Variants in EIF1AD observed in about 807,000 individuals in gnomAD.
The protein encoded by EIF1AD is probable RNA-binding protein EIF1AD.
A neutral mutation model predicts 21.7 loss-of-function variants in EIF1AD; 9 were observed. The ratio of observed to expected loss-of-function variants is 0.41; its 90% confidence interval spans 0.25 to 0.72. EIF1AD has a LOEUF of 0.72. Ranked by LOEUF, EIF1AD falls within the 30% of genes least tolerant of loss-of-function variation. The pLI is 0.29. For missense variants in EIF1AD, 164 were observed against 199.7 expected, an observed-to-expected ratio of 0.82 and a Z score of 1.08; for synonymous variants, 78 against 70.9, an observed-to-expected ratio of 1.10 and a Z score of -0.50.
chr11:66,001,146 A>G (rs1274617472), intron 1 of EIF1AD, among the ~76,000 whole-genome samples: 1 of 152,178 alleles, frequency 6.6e-6, no homozygotes, highest in Non-Finnish European at 1.5e-5. Context: ...TCGTCCTGCT[A>G]CAACAGAATG....
In EIF1AD at chr11:65,998,485, G is replaced by T; in HGVS notation, c.*114C>A. On this transcript the variant is annotated 3_prime_UTR_variant, in exon 6 of 6. Transcript: ENST00000533544. ...AATCAAAAGATCAGTTCAGAGAGGAGCCCTGCTTTGTCCTCATGCAGGGGT... is the reference window on the plus strand; with the variant it reads ...AATCAAAAGATCAGTTCAGAGAGGATCCCTGCTTTGTCCTCATGCAGGGGT... 5 of 1,327,502 alleles carry T rather than the reference G, an allele frequency of 3.8e-6. No individual in the cohort carries two copies. Among genetic ancestry groups the T allele is most frequent in the South Asian group, 2.8e-5 (2 of 70,990 alleles). 82.2% of individuals were successfully genotyped at this position (1,327,502 alleles called of 1,614,324 possible).
Position 66,000,425 on chromosome 11 carries a change from A to C in EIF1AD, c.-36T>G. 6.4e-7 allele frequency: 1 copy of C among 1,566,796 alleles called. No individual in the cohort carries two copies. The highest frequency in any genetic ancestry group is 8.7e-7 in the Non-Finnish European group (1 of 1,154,270). ...TCCCACACTGGTTAGGAACGAAGAG[A>C]CTGTCAACTCCTCCTCCTGAGTTCC... On this transcript the variant is annotated 5_prime_UTR_variant, in exon 2 of 6. Coordinates refer to ENST00000533544, the MANE Select transcript of EIF1AD (RefSeq NM_001242481.2).
rs760664567 is a variant in EIF1AD at position 66,000,069 on chromosome 11, G to A, written c.180C>T (p.Asn60=). The change falls in exon 3 of 6, where the codon AAC becomes AAT. Residue 60 remains asparagine, a synonymous_variant. Coordinates refer to ENST00000533544, the MANE Select transcript of EIF1AD (RefSeq NM_001242481.2). ...LVSMPSKYRK[N]IWIKRGDFLI... is the part of the protein sequence containing the mutation. ...TCCTCTCACCTCTCTTGATCCAGATGTTCTTGCGGTATTTGGAGGGCATGC... is the reference window on the plus strand; with the variant it reads ...TCCTCTCACCTCTCTTGATCCAGATATTCTTGCGGTATTTGGAGGGCATGC... 5.6e-6 allele frequency: 9 copies of A among 1,613,490 alleles called. No individual in the cohort carries two copies. The Admixed American group carries it at 1.5e-4, about 27-fold the overall frequency.
Position 65,999,362 on chromosome 11 carries a change from TTG to T in EIF1AD, c.339_340del (p.His113GlnfsTer14). On this transcript the variant is annotated frameshift_variant, in exon 5 of 6. Coordinates refer to ENST00000533544, the MANE Select transcript of EIF1AD (RefSeq NM_001242481.2). LOFTEE classifies it high-confidence loss of function. ...GCTTGTTCCTCACCTGTTCCTGTTG[TTG>T]TGTTTCTCAGCCACTTCAGAGAAGG... The T allele has an allele frequency of 6.2e-7, 1 of 1,614,248 alleles. No homozygotes were observed. Among genetic ancestry groups the T allele is most frequent in the Non-Finnish European group, 8.5e-7 (1 of 1,180,040 alleles).
At position 65,998,523 on chromosome 11, in the gene EIF1AD, A is replaced by G; in HGVS notation, c.*76T>C. 1 of 1,558,562 alleles carries G rather than the reference A, an allele frequency of 6.4e-7. No homozygotes were observed. Among genetic ancestry groups the G allele is most frequent in the Non-Finnish European group, 8.7e-7 (1 of 1,148,562 alleles). ...CTCATGCAGGGGTGAAGATGTGCAG[A>G]GCACCCTGGGAATGTCCAAGCCCAG... On this transcript the variant is annotated 3_prime_UTR_variant, in exon 6 of 6. Transcript: ENST00000533544.
Position 65,998,478 on chromosome 11 carries a change from G to C in EIF1AD, c.*121C>G. ...TTCTCTGAATCAAAAGATCAGTTCA[G>C]AGAGGAGCCCTGCTTTGTCCTCATG... On this transcript the variant is annotated 3_prime_UTR_variant, in exon 6 of 6. Coordinates refer to ENST00000533544, the MANE Select transcript of EIF1AD (RefSeq NM_001242481.2). The C allele has an allele frequency of 7.7e-7, 1 of 1,305,380 alleles. No homozygotes were observed. The highest frequency in any genetic ancestry group is 2.3e-5 in the East Asian group (1 of 42,720). The allele number at this position is 1,305,380 out of a possible 1,614,324, so 80.9% of individuals were successfully genotyped here.
chr11:65,999,914 C>G, intron 3 of EIF1AD, 139 bp downstream of exon 3: 1 of 691,236 alleles, frequency 1.4e-6, no homozygotes, highest in Non-Finnish European at 2.4e-6. Context: ...TCCTGAGTAG[C>G]TGGGATCACA....
rs569407997 is a variant in EIF1AD at position 65,997,884 on chromosome 11, G to A, written c.*715C>T. The A allele has an allele frequency of 4.6e-5, 7 of 152,362 alleles. No individual in the cohort carries two copies. The East Asian group carries it at 1.4e-3, about 29-fold the overall frequency. 9.4% of individuals were successfully genotyped at this position (152,362 alleles called of 1,614,324 possible). On this transcript the variant is annotated 3_prime_UTR_variant, in exon 6 of 6. Transcript: ENST00000533544. ...TTTAAAAGGTTATAAGACAATCAAT[G>A]TCCTCAGGGAATAATCAGGTTTCAA...
chr11:66,000,328 G>A lies in EIF1AD; in HGVS notation c.62C>T (p.Pro21Leu), dbSNP rs775442481. 14 of 1,613,332 alleles carry A rather than the reference G, an allele frequency of 8.7e-6. No homozygotes were observed. Among genetic ancestry groups the A allele is most frequent in the Non-Finnish European group, 5.9e-6 (7 of 1,179,732 alleles). Reference sequence around the variant, plus strand: ...CCTGACAATCTGCTGCTGGTCGGAGGGCACTATGTGCTCCCCTAGCACCTC... The same window carrying A: ...CCTGACAATCTGCTGCTGGTCGGAGAGCACTATGTGCTCCCCTAGCACCTC... ...VKEVLGEHIVPSDQQQIVRVL... is the reference protein window; with the variant it reads ...VKEVLGEHIVLSDQQQIVRVL... The change falls in exon 2 of 6, where the codon CCC becomes CTC. Residue 21 changes from proline to leucine, a missense_variant. Coordinates refer to ENST00000533544, the MANE Select transcript of EIF1AD (RefSeq NM_001242481.2).
At chr11:66,000,274 C>G (rs1323624774) in intron 2 of EIF1AD, 29 bp downstream of exon 2, 15 of 1,613,018 alleles carry the variant, frequency 9.3e-6, no homozygotes, top group Non-Finnish European at 1.2e-5. Context: ...GGGTGGGGAG[C>G]AGAACAGCTT....
chr11:65,996,630 T>C lies in EIF1AD; in HGVS notation c.*1969A>G, dbSNP rs1855733512. 1 of 151,874 alleles carries C rather than the reference T, an allele frequency of 6.6e-6. No homozygotes were observed. Among genetic ancestry groups the C allele is most frequent in the Non-Finnish European group, 1.5e-5 (1 of 68,014 alleles). The allele number at this position is 151,874 out of a possible 1,614,324, so 9.4% of individuals were successfully genotyped here. ...ATTCATATATACATATATACAAATGTATATATGTTTAAAGCCACGCTATAA... is the reference window on the plus strand; with the variant it reads ...ATTCATATATACATATATACAAATGCATATATGTTTAAAGCCACGCTATAA... On this transcript the variant is annotated 3_prime_UTR_variant, in exon 6 of 6. Coordinates refer to ENST00000533544, the MANE Select transcript of EIF1AD (RefSeq NM_001242481.2).
rs767815785 is a variant in EIF1AD at position 65,998,766 on chromosome 11, G to A, written c.354-23C>T. On this transcript the variant is annotated intron_variant, in intron 5 of 5. Coordinates refer to ENST00000533544, the MANE Select transcript of EIF1AD (RefSeq NM_001242481.2). ...TGTCTGCACGAAGGGAAGAGAGCAGGGTTAGCCCAGCGCCTTCTGGGAAAA... is the reference window on the plus strand; with the variant it reads ...TGTCTGCACGAAGGGAAGAGAGCAGAGTTAGCCCAGCGCCTTCTGGGAAAA... 8.1e-6 allele frequency: 13 copies of A among 1,609,542 alleles called. No homozygotes were observed. The African/African-American group carries it at 1.3e-4, about 17-fold the overall frequency.
chr11:66,001,209 C>CA (rs1423279708), intron 1 of EIF1AD, among the ~76,000 whole-genome samples: 1 of 152,140 alleles, frequency 6.6e-6, no homozygotes, highest in Non-Finnish European at 1.5e-5. Context: ...CGCGGTGGCT[C>CA]ACGCCTGTAA....
At position 65,997,234 on chromosome 11, in the gene EIF1AD, GGA is replaced by G. The variant is rs1855755858; in HGVS notation, c.*1363_*1364del. The G allele has an allele frequency of 6.6e-6, 1 of 151,044 alleles. No homozygotes were observed. Among genetic ancestry groups the G allele is most frequent in the Non-Finnish European group, 1.5e-5 (1 of 67,906 alleles). The allele number at this position is 151,044 out of a possible 1,614,324, so 9.4% of individuals were successfully genotyped here. A position where few individuals can be genotyped will look rare whatever the true frequency, so the allele number is the denominator to read the frequency against. On this transcript the variant is annotated 3_prime_UTR_variant, in exon 6 of 6. Coordinates refer to ENST00000533544, the MANE Select transcript of EIF1AD (RefSeq NM_001242481.2). ...CCAAGCTACTCGGGAGGCTGAGGCA[GGA>G]GAGTTACTTGAACCCAGTAGGTGAA... is the stretch of plus-strand genomic sequence containing the variant.
Position 65,998,442 on chromosome 11 carries a change from C to A in EIF1AD, c.*157G>T, listed in dbSNP as rs538129722. On this transcript the variant is annotated 3_prime_UTR_variant, in exon 6 of 6. Transcript: ENST00000533544. ...ACACCAGAACAAGTCACCAACCCACCAGGGGTTTAATTCTCTGAATCAAAA... is the reference window on the plus strand; with the variant it reads ...ACACCAGAACAAGTCACCAACCCACAAGGGGTTTAATTCTCTGAATCAAAA... 13 of 923,128 alleles carry A rather than the reference C, an allele frequency of 1.4e-5. No individual in the cohort carries two copies. The South Asian group carries it at 1.8e-4, about 13-fold the overall frequency. 57.2% of individuals were successfully genotyped at this position (923,128 alleles called of 1,614,324 possible).
Position 66,001,895 on chromosome 11 carries a change from C to G in EIF1AD, c.-117+15G>C, listed in dbSNP as rs1207607497. On this transcript the variant is annotated intron_variant, in intron 1 of 5. Coordinates refer to ENST00000533544, the MANE Select transcript of EIF1AD (RefSeq NM_001242481.2). ...CTGTCTATCCCGGAGAAAAGACCCT[C>G]AGAGAAACACCCACACTTAGTCTCT... 4 of 152,272 alleles carry G rather than the reference C, an allele frequency of 2.6e-5. No homozygotes were observed. The highest frequency in any genetic ancestry group is 2.9e-5 in the Non-Finnish European group (2 of 68,082). 9.4% of individuals were successfully genotyped at this position (152,272 alleles called of 1,614,324 possible).
chr11:65,998,358 T>A lies in EIF1AD; in HGVS notation c.*241A>T. The A allele has an allele frequency of 9.9e-6, 3 of 303,996 alleles. No individual in the cohort carries two copies. The highest frequency in any genetic ancestry group is 1.8e-5 in the Non-Finnish European group (3 of 163,942). 18.8% of individuals were successfully genotyped at this position (303,996 alleles called of 1,614,324 possible). Reference sequence around the variant, plus strand: ...GCCCACCCACCCACAAGGTCTCTAATAAATAGGGAGCAGTTTTTCACTTCA... The same window carrying A: ...GCCCACCCACCCACAAGGTCTCTAAAAAATAGGGAGCAGTTTTTCACTTCA... On this transcript the variant is annotated 3_prime_UTR_variant, in exon 6 of 6. Coordinates refer to ENST00000533544, the MANE Select transcript of EIF1AD (RefSeq NM_001242481.2).
At position 65,997,319 on chromosome 11, in the gene EIF1AD, A is replaced by C; in HGVS notation, c.*1280T>G. 1 of 121,290 alleles carries C rather than the reference A, an allele frequency of 8.2e-6. No homozygotes were observed. The highest frequency in any genetic ancestry group is 1.7e-5 in the Non-Finnish European group (1 of 59,058). The allele number at this position is 121,290 out of a possible 1,614,324, so 7.5% of individuals were successfully genotyped here. On this transcript the variant is annotated 3_prime_UTR_variant, in exon 6 of 6. Coordinates refer to ENST00000533544, the MANE Select transcript of EIF1AD (RefSeq NM_001242481.2). ...TCCAGCCTGAGCAACACAGGGAGACACTCTCTCAAAAAAAAAAAAAAAAAA... is the reference window on the plus strand; with the variant it reads ...TCCAGCCTGAGCAACACAGGGAGACCCTCTCTCAAAAAAAAAAAAAAAAAA...
chr11:66,001,469 CT>C (rs1855961758), intron 1 of EIF1AD, among the ~76,000 whole-genome samples: 1 of 68,790 alleles, frequency 1.5e-5, no homozygotes, highest in Non-Finnish European at 3.1e-5. Context: ...AAGACTCCGT[CT>C]CAAAAAAAAA....
Sources: allele counts gnomAD v4.1 joint callset (sites outside exome capture counted in the v4.1 genomes callset), GRCh38; gene constraint gnomAD v4.1.1; transcripts MANE v1.5; gene names NCBI Gene and HGNC (gene_info 2026-07-23, HGNC 2026-07-21).